Variants in TBC1D22A observed in about 807,000 individuals in gnomAD.
TBC1D22A encodes putative GTPase activator.
Under a neutral mutation model 60.2 loss-of-function variants are expected in TBC1D22A, and 38 were observed. The ratio of observed to expected loss-of-function variants is 0.63; its 90% CI spans 0.49 to 0.83. TBC1D22A has a LOEUF of 0.83. Ranked by LOEUF, TBC1D22A falls within the 40% of genes least tolerant of loss-of-function variation. TBC1D22A has a pLI of 0.00. For synonymous variants in TBC1D22A, 302 were observed against 281.7 expected, an observed-to-expected ratio of 1.07 and a Z score of -0.72; for missense variants, 628 against 701.0, an observed-to-expected ratio of 0.90 and a Z score of 1.18.
chr22:46,910,822 C>G (rs1280997115), intron 7 of TBC1D22A, among the ~76,000 whole-genome samples: 1 of 150,258 alleles, frequency 6.7e-6, no homozygotes, highest in African/African-American at 2.5e-5. Flanking sequence ...GGTAGGAGTA[C>G]GGGCTGATCA....
chr22:46,822,128 G>C (rs1602014587), intron 4 of TBC1D22A, among the ~76,000 whole-genome samples: 1 of 151,916 alleles, frequency 6.6e-6, no homozygotes, highest in Admixed American at 6.6e-5. Flanking sequence ...ATTCTAGTTA[G>C]CAGTTCCTCT....
Position 46,990,322 on chromosome 22 carries a change from A to T in TBC1D22A, c.1126-7312A>T, listed in dbSNP as rs1054387368. 2.6e-5 allele frequency among the ~76,000 whole-genome samples: 4 copies of T among 151,466 alleles called. No individual in the cohort carries two copies. The highest frequency in any genetic ancestry group is 5.9e-5 in the Non-Finnish European group (4 of 67,882). ...CCTACCTTCTTTGGATGAATTGATT[A>T]TTTTTTTCAATTAATGGAGTTTGGT... On this transcript the variant is annotated intron_variant, in intron 9 of 12. Transcript: ENST00000337137. This position sits in a 1 kb window ranked among gnomAD's most constrained non-coding sequence, Gnocchi z 4.6.
intron 8 of TBC1D22A, among the ~76,000 whole-genome samples, chr22:46,951,409 C>T (rs1031916910): frequency 1.3e-5 from 2 of 152,128 alleles, no homozygotes; most frequent in African/African-American, 2.4e-5. Flanking sequence ...GTCAGTTTCG[C>T]GATTCATGTG....
chr22:47,088,835 A>G (rs1476487975), intron 11 of TBC1D22A, among the ~76,000 whole-genome samples: 1 of 152,186 alleles, frequency 6.6e-6, no homozygotes, highest in Non-Finnish European at 1.5e-5. Flanking sequence ...GACATTTCAC[A>G]CCTTCTGATG....
intron 12 of TBC1D22A, among the ~76,000 whole-genome samples, chr22:47,172,092 C>T (rs2068504255): frequency 7.6e-6 from 1 of 132,264 alleles, no homozygotes; most frequent in African/African-American, 2.9e-5. Flanking sequence ...CCCAGCACTC[C>T]CAGTGAGCTG....
intron 8 of TBC1D22A, among the ~76,000 whole-genome samples, chr22:46,947,827 GT>G (rs2147988671): frequency 6.6e-6 from 1 of 152,294 alleles, no homozygotes; most frequent in South Asian, 2.1e-4. Flanking sequence ...CTGTTCAGTA[GT>G]CTGCCTGTTC....
intron 10 of TBC1D22A, among the ~76,000 whole-genome samples, chr22:47,003,674 T>C (rs1442193092): frequency 3.5e-5 from 3 of 86,880 alleles, no homozygotes; most frequent in Non-Finnish European, 6.0e-5. Context: ...CACACACCCC[T>C]ACACACATGC....
At chr22:46,831,150 A>G (rs2147155862) in intron 4 of TBC1D22A, among the ~76,000 whole-genome samples, 1 of 152,320 alleles carries the variant, frequency 6.6e-6, no homozygotes, top group East Asian at 1.9e-4. Context: ...GAAATCACCC[A>G]GTGGGCTCTT....
intron 9 of TBC1D22A, among the ~76,000 whole-genome samples, chr22:46,993,608 C>A (rs1602871050): frequency 6.6e-6 from 1 of 152,074 alleles, no homozygotes; most frequent in Admixed American, 6.5e-5. Context: ...TGGGGTGTCC[C>A]GAGGGCAAAT....
intron 10 of TBC1D22A, among the ~76,000 whole-genome samples, chr22:47,004,894 T>C (rs2061532152): frequency 6.6e-6 from 1 of 151,706 alleles, no homozygotes; most frequent in Non-Finnish European, 1.5e-5. Context: ...CACACACCCC[T>C]ATATATACAT....
chr22:46,986,376 A>G (rs1168299469), intron 9 of TBC1D22A, among the ~76,000 whole-genome samples: 1 of 151,820 alleles, frequency 6.6e-6, no homozygotes, highest in African/African-American at 2.4e-5. Flanking sequence ...TTTTTATATA[A>G]AGTTTGCTTT....
chr22:46,824,858 G>A (rs184522607), intron 4 of TBC1D22A, among the ~76,000 whole-genome samples: 1 of 152,178 alleles, frequency 6.6e-6, no homozygotes, highest in African/African-American at 2.4e-5. Context: ...GAAAAGAGAC[G>A]GAATTTGGCT....
At chr22:47,119,103 C>G (rs1345410563) in intron 12 of TBC1D22A, among the ~76,000 whole-genome samples, 1 of 151,994 alleles carries the variant, frequency 6.6e-6, no homozygotes, top group Non-Finnish European at 1.5e-5. Flanking sequence ...GAGCCGAGAC[C>G]ACACCACTGC....
At chr22:46,971,548 TC>T (rs1275932032) in intron 8 of TBC1D22A, among the ~76,000 whole-genome samples, 6 of 152,162 alleles carry the variant, frequency 3.9e-5, no homozygotes, top group Non-Finnish European at 7.4e-5. Context: ...CAAACTGTTT[TC>T]CCAGGGAGGA....
At chr22:47,059,236 C>T (rs1412314709) in intron 11 of TBC1D22A, among the ~76,000 whole-genome samples, 3 of 152,252 alleles carry the variant, frequency 2.0e-5, no homozygotes, top group Non-Finnish European at 4.4e-5. Flanking sequence ...GATTTTCTGC[C>T]AGGGTCCTAC....
chr22:47,140,387 G>A (rs1286449314), intron 12 of TBC1D22A, among the ~76,000 whole-genome samples: 4 of 151,750 alleles, frequency 2.6e-5, no homozygotes, highest in Non-Finnish European at 5.9e-5. Flanking sequence ...GTGAAACCCC[G>A]TCTCTACTAA....
chr22:46,788,029 C>T (rs556801247), intron 1 of TBC1D22A, among the ~76,000 whole-genome samples: 5 of 151,426 alleles, frequency 3.3e-5, no homozygotes, highest in South Asian at 2.1e-4. Flanking sequence ...CTCTGCCTCC[C>T]GGGTTCACAC....
intron 8 of TBC1D22A, among the ~76,000 whole-genome samples, chr22:46,954,965 A>G (rs2099456045): frequency 6.6e-6 from 1 of 152,186 alleles, no homozygotes; most frequent in South Asian, 2.1e-4. Context: ...GTTATTTATA[A>G]CCCATGTCAG....
rs190094727 is a variant in TBC1D22A, at chr22:46,978,164, T to C, written c.1125+3765T>C. Among the ~76,000 whole-genome samples, 564 of 152,288 alleles carry C rather than the reference T, an allele frequency of 3.7e-3. 1 individual carries two copies. The highest frequency in any genetic ancestry group is 0.016 in the South Asian group (79 of 4,826). ...GCCAGTCCTGCTCAGGGAGATCAGG[T>C]GCTGCCCAGAGCAGGGACACGGGCT... On this transcript the variant is annotated intron_variant, in intron 9 of 12. Transcript: ENST00000337137.
Sources: gnomAD v4.1 joint callset for allele counts (sites outside exome capture counted in the v4.1 genomes callset) on GRCh38, gnomAD v4.1.1 for gene constraint, Gnocchi (gnomAD v3.1) non-coding constraint, MANE v1.5 for transcripts, NCBI Gene and HGNC (gene_info 2026-07-23, HGNC 2026-07-21) for gene names.